The following FIG4 variants were observed in gnomAD, a reference collection of about 807,000 sequenced individuals.
The protein encoded by FIG4 is FIG4 phosphoinositide 5-phosphatase, also known as polyphosphoinositide phosphatase.
FIG4 carries 112 observed loss-of-function variants against 118.6 expected under a neutral mutation model. That is an observed-to-expected ratio of 0.94 (90% CI 0.81 to 1.11). FIG4 has a LOEUF of 1.11. FIG4 is among the 50% of genes least tolerant of loss of function. The probability of loss-of-function intolerance (pLI) is 0.00; values close to 1 mark genes in which losing one functional copy is unlikely to be tolerated. For synonymous variants in FIG4, 369 were observed against 381.2 expected, an observed-to-expected ratio of 0.97 and a Z score of 0.37; for missense variants, 969 against 1,111.7, an observed-to-expected ratio of 0.87 and a Z score of 1.83.
chr6:109,777,758 A>G (rs1448997155), intron 16 of FIG4, among the ~76,000 whole-genome samples: 1 of 152,246 alleles, frequency 6.6e-6, no homozygotes, highest in African/African-American at 2.4e-5. Flanking sequence ...AATTGGTAAT[A>G]TAATATTCTC....
intron 22 of FIG4, among the ~76,000 whole-genome samples, chr6:109,815,097 G>A (rs561062095): frequency 3.9e-4 from 60 of 152,052 alleles, no homozygotes; most frequent in African/African-American, 1.2e-3. Context: ...TAACTGTAGG[G>A]TATCCAGGGT....
chr6:109,762,272 CAG>C, intron 12 of FIG4, 65 bp downstream of exon 12: 1 of 981,356 alleles, frequency 1.0e-6, no homozygotes, highest in Non-Finnish European at 1.6e-6. Context: ...ATTCTAAATA[CAG>C]CAGTTTGTAC....
rs75592319 is a variant in FIG4 at position 109,732,914 on chromosome 6, T to A, written c.497+227T>A. ...TTATTCACATTATAAAAATCATCGTTGTTTTAGGTAGGACTTAATGTATTT... is the reference window on the plus strand; with the variant it reads ...TTATTCACATTATAAAAATCATCGTAGTTTTAGGTAGGACTTAATGTATTT... On this transcript the variant is annotated intron_variant, in intron 5 of 22. Transcript: ENST00000230124. Among the ~76,000 whole-genome samples the A allele has an allele frequency of 0.028, 4,231 of 152,176 alleles. 96 individuals are homozygous for A. The highest frequency in any genetic ancestry group is 0.11 in the East Asian group (566 of 5,178).
intron 4 of FIG4, among the ~76,000 whole-genome samples, chr6:109,732,126 C>T (rs570647173): frequency 6.6e-6 from 1 of 152,180 alleles, no homozygotes; most frequent in South Asian, 2.1e-4. Context: ...TTAAATTGTT[C>T]GTTATTTATC....
rs111759494 is a variant in FIG4 at position 109,732,862 on chromosome 6, A to T, written c.497+175A>T. Among the ~76,000 whole-genome samples, 1,230 of 152,242 alleles carry T rather than the reference A, an allele frequency of 8.1e-3. 27 individuals are homozygous for T. Among genetic ancestry groups the T allele is most frequent in the African/African-American group, 0.026 (1,090 of 41,544 alleles). ...TCCTTTTAAAAATCTTATATTTGAA[A>T]ATCCAAATGGATAAATTAAAGGATA... On this transcript the variant is annotated intron_variant, in intron 5 of 22. Coordinates refer to ENST00000230124, the MANE Select transcript of FIG4 (RefSeq NM_014845.6).
At position 109,753,913 on chromosome 6, in the gene FIG4, G is replaced by T. The variant is rs530155434; in HGVS notation, c.1138-6337G>T. On this transcript the variant is annotated intron_variant, in intron 10 of 22. Coordinates refer to ENST00000230124, the MANE Select transcript of FIG4 (RefSeq NM_014845.6). ...GGGACAATTTGACTTCCTCTTTTCC[G>T]AATTGAATACCCTTTATTTCCTTCT... Among the ~76,000 whole-genome samples the T allele has an allele frequency of 1.6e-3, 236 of 152,050 alleles. 1 individual carries two copies. The highest frequency in any genetic ancestry group is 4.7e-3 in the African/African-American group (197 of 41,486).
chr6:109,708,418 G>T (rs1040083417), intron 1 of FIG4, among the ~76,000 whole-genome samples: 11 of 152,174 alleles, frequency 7.2e-5, no homozygotes, highest in African/African-American at 2.7e-4. Flanking sequence ...GAACAGTACT[G>T]CAGTGAACAT....
intron 15 of FIG4, among the ~76,000 whole-genome samples, chr6:109,770,065 A>G (rs1488770305): frequency 1.3e-5 from 2 of 152,196 alleles, no homozygotes; most frequent in East Asian, 1.9e-4. Flanking sequence ...TTGAGGCTTC[A>G]CATGCTAGCA....
At position 109,732,637 on chromosome 6, in the gene FIG4, G is replaced by A. The variant is rs762295431; in HGVS notation, c.447G>A (p.Arg149=). 2.2e-6 allele frequency: 3 copies of A among 1,348,746 alleles called. No homozygotes were observed. Among genetic ancestry groups the A allele is most frequent in the Admixed American group, 1.7e-5 (1 of 57,668 alleles). The allele number at this position is 1,348,746 out of a possible 1,614,324, so 83.5% of individuals were successfully genotyped here. ...ATGTACTTTGTTTTTTTTTTTTTAG[G>A]TATCTACGAATATTTCAAAATGTGG... ...SVRVTHPDEA[R]YLRIFQNVDL... The change falls in exon 5 of 23, where the codon AGG becomes AGA. Residue 149 remains arginine, a splice_region_variant and synonymous_variant. Transcript: ENST00000230124.
chr6:109,777,121 A>T, intron 16 of FIG4, 61 bp downstream of exon 16: 4 of 1,461,396 alleles, frequency 2.7e-6, no homozygotes, highest in Non-Finnish European at 3.8e-6. Context: ...AATATGAGAT[A>T]CTTTTCATTT....
chr6:109,767,016 G>A, intron 15 of FIG4, 121 bp downstream of exon 15: 2 of 796,630 alleles, frequency 2.5e-6, no homozygotes, highest in South Asian at 3.2e-5. Context: ...AAATAAAACA[G>A]TCTGTCACTT....
intron 7 of FIG4, among the ~76,000 whole-genome samples, chr6:109,739,599 C>T (rs1323724200): frequency 1.3e-5 from 2 of 152,154 alleles, no homozygotes; most frequent in African/African-American, 4.8e-5. Flanking sequence ...AATGGCCTCA[C>T]ATCTTTCTCC....
At chr6:109,757,305 G>A (rs1415183701) in intron 10 of FIG4, among the ~76,000 whole-genome samples, 4 of 152,114 alleles carry the variant, frequency 2.6e-5, no homozygotes, top group African/African-American at 4.8e-5. Flanking sequence ...TGCAAGGCTG[G>A]TTCAACATAT....
chr6:109,708,898 C>G (rs546009500), intron 1 of FIG4, among the ~76,000 whole-genome samples: 1 of 152,120 alleles, frequency 6.6e-6, no homozygotes, highest in East Asian at 1.9e-4. Flanking sequence ...AAAATTTTCT[C>G]TTATTCTGTA....
chr6:109,811,396 A>G (rs4407743), intron 22 of FIG4, among the ~76,000 whole-genome samples: 8,642 of 152,234 alleles, frequency 0.057, 428 homozygotes, highest in East Asian at 0.18. Context: ...GATGGAGAGC[A>G]TCTTCATTTG....
At chr6:109,771,570 G>A (rs1035952449) in intron 15 of FIG4, among the ~76,000 whole-genome samples, 3 of 140,926 alleles carry the variant, frequency 2.1e-5, no homozygotes, top group Admixed American at 7.9e-5. Flanking sequence ...CTGGGTTCAT[G>A]CCATTCCCCT....
chr6:109,810,464 G>GTCT (rs1778689125), intron 22 of FIG4, among the ~76,000 whole-genome samples: 1 of 152,144 alleles, frequency 6.6e-6, no homozygotes, highest in South Asian at 2.1e-4. Context: ...TTCTGGGATT[G>GTCT]TCTGGTTCAT....
In FIG4 at chr6:109,723,249, C is replaced by T. The variant is rs548222599; in HGVS notation, c.290-3860C>T. On this transcript the variant is annotated intron_variant, in intron 3 of 22. Coordinates refer to ENST00000230124, the MANE Select transcript of FIG4 (RefSeq NM_014845.6). ...CTATTTCAGAAGTGTCACCTCTTCCCCACCACCAAGAAAGTTAGTTTTAAC... is the reference window on the plus strand; with the variant it reads ...CTATTTCAGAAGTGTCACCTCTTCCTCACCACCAAGAAAGTTAGTTTTAAC... 2.6e-5 allele frequency among the ~76,000 whole-genome samples: 4 copies of T among 152,204 alleles called. No homozygotes were observed. In the South Asian group the frequency reaches 8.3e-4, roughly 32 times the overall value.
At chr6:109,746,180 C>G (rs1316865591) in intron 10 of FIG4, among the ~76,000 whole-genome samples, 2 of 152,118 alleles carry the variant, frequency 1.3e-5, no homozygotes, top group African/African-American at 4.8e-5. Flanking sequence ...TTTGGGAAAA[C>G]CGGCTAGCCA....
Sources: allele counts gnomAD v4.1 joint callset (sites outside exome capture counted in the v4.1 genomes callset), GRCh38; gene constraint gnomAD v4.1.1; transcripts MANE v1.5; gene names NCBI Gene and HGNC (gene_info 2026-07-23, HGNC 2026-07-21).